The following MRTFA variants were observed in gnomAD, a reference collection of about 807,000 sequenced individuals.
MRTFA encodes myocardin-related transcription factor A.
Under a neutral mutation model 83.5 loss-of-function variants are expected in MRTFA, and 20 were observed. The observed-to-expected ratio is 0.24, with a 90% CI of 0.17 to 0.35. The LOEUF is 0.35. MRTFA is among the 10% of genes least tolerant of loss of function. MRTFA has a pLI of 1.00. For synonymous variants in MRTFA, 659 were observed against 541.2 expected (o/e 1.22, Z -3.02); for missense variants, 1,200 against 1,224.7 (o/e 0.98, Z 0.30).
Position 40,416,755 on chromosome 22 carries a change from G to A in MRTFA, c.2578+231C>T, listed in dbSNP as rs752092396. On this transcript the variant is annotated intron_variant, in intron 14 of 14. Coordinates refer to ENST00000355630, the MANE Select transcript of MRTFA (RefSeq NM_020831.6). The surrounding 1 kb of genome is among the most constrained non-coding windows in gnomAD (Gnocchi z 4.2). ...ACAAGGGCAAATGTCTCTTCTGTTC[G>A]TTGGGAGGCGAGGGCCTTGGGGCAG... 7.2e-5 allele frequency among the ~76,000 whole-genome samples: 11 copies of A among 152,238 alleles called. No individual in the cohort carries two copies. Among genetic ancestry groups the A allele is most frequent in the Non-Finnish European group, 1.2e-4 (8 of 68,042 alleles).
At chr22:40,441,936 C>T (rs956563632) in intron 4 of MRTFA, among the ~76,000 whole-genome samples, 3 of 151,824 alleles carry the variant, frequency 2.0e-5, no homozygotes, top group African/African-American at 7.3e-5. Context: ...GTGATGACAG[C>T]GCAGGGGCCC....
intron 3 of MRTFA, among the ~76,000 whole-genome samples, chr22:40,505,023 T>C (rs1161068043): frequency 1.3e-5 from 2 of 152,222 alleles, no homozygotes; most frequent in Non-Finnish European, 2.9e-5. Flanking sequence ...GGATTAGCCA[T>C]GTTGTTTACT....
At chr22:40,527,131 TACACACACAC>T (rs35912231) in intron 3 of MRTFA, among the ~76,000 whole-genome samples, 2 of 146,378 alleles carry the variant, frequency 1.4e-5, no homozygotes, top group African/African-American at 2.5e-5. Context: ...GCCTCAAAGA[TACACACACAC>T]ACACACACAC....
chr22:40,622,197 T>G (rs775857781), intron 1 of MRTFA, among the ~76,000 whole-genome samples: 5 of 152,034 alleles, frequency 3.3e-5, no homozygotes, highest in Non-Finnish European at 7.4e-5. Flanking sequence ...TTAAGAATTT[T>G]GGGGCCGGGC....
chr22:40,418,930 G>A lies in MRTFA; in HGVS notation c.1808C>T (p.Pro603Leu), dbSNP rs752257453. 1 of 1,612,678 alleles carries A rather than the reference G, an allele frequency of 6.2e-7. No individual in the cohort carries two copies. The highest frequency in any genetic ancestry group is 8.5e-7 in the Non-Finnish European group (1 of 1,179,934). ...GCTCAGGCAACAGGACCCGGCCCGG[G>A]GGCCCTCCTCCTTCACGAGGATCTG... is the stretch of plus-strand genomic sequence containing the variant. The change falls in exon 12 of 15, where the codon CCC becomes CTC. Residue 603 changes from proline (P) to leucine (L), a missense_variant. Coordinates refer to ENST00000355630, the MANE Select transcript of MRTFA (RefSeq NM_020831.6).
chr22:40,436,157 G>GC (rs2053166131), intron 4 of MRTFA: 1 of 154,560 alleles, frequency 6.5e-6, no homozygotes, highest in Non-Finnish European at 1.5e-5. Flanking sequence ...AAACACCCTG[G>GC]CCCATGACTG....
chr22:40,572,846 G>A (rs953723194), intron 2 of MRTFA, among the ~76,000 whole-genome samples: 5 of 152,108 alleles, frequency 3.3e-5, no homozygotes, highest in African/African-American at 1.2e-4. Context: ...GGAAAGACCC[G>A]CCACCCCTGT....
intron 4 of MRTFA, among the ~76,000 whole-genome samples, chr22:40,436,818 C>A (rs1162893883): frequency 1.3e-5 from 2 of 152,168 alleles, no homozygotes; most frequent in Non-Finnish European, 2.9e-5. Context: ...GCAGAGATAA[C>A]TTTTGCTAGG....
chr22:40,443,173 A>G (rs2147114211), intron 4 of MRTFA, among the ~76,000 whole-genome samples: 1 of 152,226 alleles, frequency 6.6e-6, no homozygotes, highest in African/African-American at 2.4e-5. Flanking sequence ...AATTGCTTGA[A>G]TCCAGGAGGC....
At chr22:40,492,063 CG>C (rs113798157) in intron 3 of MRTFA, among the ~76,000 whole-genome samples, 12,434 of 152,182 alleles carry the variant, frequency 0.082, 783 homozygotes, top group East Asian at 0.24. Flanking sequence ...GGACAATCCA[CG>C]AGAGTGGCAG....
chr22:40,592,340 C>G (rs1312641142), intron 2 of MRTFA, among the ~76,000 whole-genome samples: 1 of 151,178 alleles, frequency 6.6e-6, no homozygotes, highest in Non-Finnish European at 1.5e-5. Context: ...CCTAGCTACT[C>G]CGGAGGCTGA....
At position 40,416,884 on chromosome 22, in the gene MRTFA, G is replaced by C; in HGVS notation, c.2578+102C>G. The C allele has an allele frequency of 8.9e-7, 1 of 1,117,342 alleles. No homozygotes were observed. Among genetic ancestry groups the C allele is most frequent in the Non-Finnish European group, 1.3e-6 (1 of 764,294 alleles). The allele number at this position is 1,117,342 out of a possible 1,614,324, so 69.2% of individuals were successfully genotyped here. On this transcript the variant is annotated intron_variant, in intron 14 of 14. Transcript: ENST00000355630. The surrounding 1 kb of genome is among the most constrained non-coding windows in gnomAD (Gnocchi z 4.2). ...GCATCCACAGTGCTTGCCCAAGACT[G>C]GTCACGCACGGAAGCATTCAATAAA... is the stretch of plus-strand genomic sequence containing the variant.
intron 3 of MRTFA, among the ~76,000 whole-genome samples, chr22:40,476,981 C>T (rs1395344572): frequency 6.6e-6 from 1 of 152,006 alleles, no homozygotes; most frequent in Non-Finnish European, 1.5e-5. Context: ...GTTAACAGCA[C>T]TGAATGTGGG....
At chr22:40,459,448 T>C (rs1256062061) in intron 4 of MRTFA, among the ~76,000 whole-genome samples, 2 of 152,044 alleles carry the variant, frequency 1.3e-5, no homozygotes, top group African/African-American at 4.8e-5. Context: ...AAGGTGGATC[T>C]TGGTATATGG....
chr22:40,582,697 C>A (rs1248099114), intron 2 of MRTFA, among the ~76,000 whole-genome samples: 1 of 151,616 alleles, frequency 6.6e-6, no homozygotes, highest in Non-Finnish European at 1.5e-5. Context: ...CACACACACC[C>A]TTCTCTACAA....
chr22:40,589,450 G>A (rs948230440), intron 2 of MRTFA, among the ~76,000 whole-genome samples: 1 of 152,178 alleles, frequency 6.6e-6, no homozygotes, highest in African/African-American at 2.4e-5. Context: ...GAGAGGTTAA[G>A]TAACTGCTGA....
At chr22:40,497,153 C>T (rs529133048) in intron 3 of MRTFA, among the ~76,000 whole-genome samples, 36 of 152,230 alleles carry the variant, frequency 2.4e-4, no homozygotes, top group Middle Eastern at 3.4e-3. Flanking sequence ...ATGGTAAGTG[C>T]TCTGATGAGG....
intron 3 of MRTFA, among the ~76,000 whole-genome samples, chr22:40,487,727 G>A (rs753512735): frequency 1.3e-5 from 2 of 152,230 alleles, no homozygotes; most frequent in Non-Finnish European, 2.9e-5. Flanking sequence ...ATGAACAGAT[G>A]TGAGTTCCTT....
chr22:40,459,822 C>CACACATATACATATAT (rs1308675939), intron 4 of MRTFA, among the ~76,000 whole-genome samples: 2 of 68,266 alleles, frequency 2.9e-5, no homozygotes, highest in South Asian at 6.6e-4. Context: ...CACACACACA[C>CACACATATACATATAT]ATATATACAT....
Sources: gnomAD v4.1 joint callset for allele counts (sites outside exome capture counted in the v4.1 genomes callset) on GRCh38, gnomAD v4.1.1 for gene constraint, Gnocchi (gnomAD v3.1) non-coding constraint, MANE v1.5 for transcripts, NCBI Gene and HGNC (gene_info 2026-07-23, HGNC 2026-07-21) for gene names.